The following LOC128462377 variants were observed in gnomAD, a reference collection of about 807,000 sequenced individuals.
chr16:89,366,027 A>G, the LOC128462377 span, among the ~76,000 whole-genome samples: 1 of 151,894 alleles, frequency 6.6e-6, no homozygotes, highest in African/African-American at 2.4e-5. Flanking sequence ...CATGTTCCAC[A>G]AAAGACATGA....
chr16:89,409,353 C>CTG, the LOC128462377 span, among the ~76,000 whole-genome samples: 2 of 152,208 alleles, frequency 1.3e-5, no homozygotes, highest in African/African-American at 4.8e-5. Context: ...CAAGATCCAC[C>CTG]TATCAACAGG....
At chr16:89,369,177 G>C in the LOC128462377 span, among the ~76,000 whole-genome samples, 59 of 152,236 alleles carry the variant, frequency 3.9e-4, no homozygotes, top group African/African-American at 1.3e-3. Flanking sequence ...AACCCAAGAA[G>C]TTTTCCCAAG....
the LOC128462377 span, among the ~76,000 whole-genome samples, chr16:89,319,386 G>A: frequency 3.0e-4 from 46 of 152,340 alleles, no homozygotes; most frequent in African/African-American, 9.9e-4. Flanking sequence ...GAAGTGGGTC[G>A]CACCCACCAG....
chr16:89,372,648 T>G, the LOC128462377 span, among the ~76,000 whole-genome samples: 2 of 152,096 alleles, frequency 1.3e-5, no homozygotes, highest in Non-Finnish European at 2.9e-5. Flanking sequence ...AGAAAAAAAT[T>G]TTTTTGAAAA....
the LOC128462377 span, among the ~76,000 whole-genome samples, chr16:89,349,134 TAAAAAAAAAAAAAA>T: frequency 7.8e-4 from 13 of 16,578 alleles, no homozygotes; most frequent in South Asian, 0.014. Flanking sequence ...TCTCAAAAAG[TAAAAAAAAAAAAAA>T]AAAAAAAAAA....
the LOC128462377 span, among the ~76,000 whole-genome samples, chr16:89,399,899 C>T: frequency 0.52 from 79,573 of 151,996 alleles, 21,172 homozygotes; most frequent in Middle Eastern, 0.71. Flanking sequence ...GCTCCCAGAG[C>T]ACAGGAAGGT....
chr16:89,336,450 G>C, the LOC128462377 span, among the ~76,000 whole-genome samples: 4 of 152,228 alleles, frequency 2.6e-5, no homozygotes, highest in Non-Finnish European at 4.4e-5. Context: ...TAGGGACCAG[G>C]TGAACACTGA....
chr16:89,317,055 C>G, the LOC128462377 span: 1 of 1,597,954 alleles, frequency 6.3e-7, no homozygotes, highest in Non-Finnish European at 8.5e-7. Context: ...TTTACACGGC[C>G]GGCGCTTCAT....
the LOC128462377 span, among the ~76,000 whole-genome samples, chr16:89,346,879 G>A: frequency 3.3e-5 from 5 of 152,312 alleles, no homozygotes; most frequent in East Asian, 3.9e-4. Flanking sequence ...ACATGTAACA[G>A]AGACTAAACA....
the LOC128462377 span, among the ~76,000 whole-genome samples, chr16:89,342,552 G>A: frequency 1.3e-5 from 2 of 152,252 alleles, no homozygotes; most frequent in African/African-American, 2.4e-5. Flanking sequence ...AGCACACCAC[G>A]TGCCTGAGCA....
chr16:89,323,550 AGGGGGTCT>A, the LOC128462377 span, among the ~76,000 whole-genome samples: 1 of 30,282 alleles, frequency 3.3e-5, no homozygotes, highest in Non-Finnish European at 7.0e-5. Flanking sequence ...AGCCGAGGGC[AGGGGGTCT>A]GAGCTAAGGG....
At chr16:89,318,108 A>T in the LOC128462377 span, among the ~76,000 whole-genome samples, 1 of 151,778 alleles carries the variant, frequency 6.6e-6, no homozygotes, top group African/African-American at 2.4e-5. Flanking sequence ...TCCGACTCCC[A>T]CCCCCGTGGT....
chr16:89,338,033 G>A, the LOC128462377 span, among the ~76,000 whole-genome samples: 14 of 152,224 alleles, frequency 9.2e-5, no homozygotes, highest in South Asian at 2.1e-4. Context: ...CAGTATCATG[G>A]TGACTCCCTA....
chr16:89,384,879 C>CTTTTTTTTTTTTTTTTTTTTTTTTTTT, the LOC128462377 span, among the ~76,000 whole-genome samples: 26 of 49,940 alleles, frequency 5.2e-4, 2 homozygotes, highest in East Asian at 6.7e-4. Context: ...AAATAGTTTT[C>CTTTTTTTTTTTTTTTTTTTTTTTTTTT]TTTTTTTTTT....
the LOC128462377 span, among the ~76,000 whole-genome samples, chr16:89,343,437 A>G: frequency 6.6e-6 from 1 of 152,248 alleles, no homozygotes; most frequent in East Asian, 1.9e-4. Context: ...TTGTGTTTTT[A>G]TGTGTAATCT....
the LOC128462377 span, among the ~76,000 whole-genome samples, chr16:89,369,950 C>A: frequency 2.0e-5 from 3 of 152,176 alleles, no homozygotes; most frequent in South Asian, 6.2e-4. Context: ...GGGGCCCAGC[C>A]CACCTCAAAC....
chr16:89,349,589 T>C, the LOC128462377 span, among the ~76,000 whole-genome samples: 5 of 152,290 alleles, frequency 3.3e-5, no homozygotes, highest in East Asian at 7.7e-4. Flanking sequence ...CTGGAAATAA[T>C]TGAATATCCT....
chr16:89,334,546 C>T, the LOC128462377 span, among the ~76,000 whole-genome samples: 1 of 152,156 alleles, frequency 6.6e-6, no homozygotes, highest in Admixed American at 6.5e-5. Flanking sequence ...CCCATGTGGG[C>T]AGTGGGCATG....
the LOC128462377 span, among the ~76,000 whole-genome samples, chr16:89,385,999 C>T: frequency 6.6e-6 from 1 of 152,272 alleles, no homozygotes; most frequent in African/African-American, 2.4e-5. Context: ...TCCCGCTCAG[C>T]CTCCCAGGTA....
Sources: gnomAD v4.1 joint callset for allele counts (sites outside exome capture counted in the v4.1 genomes callset) on GRCh38, gnomAD v4.1.1 for gene constraint, MANE v1.5 for transcripts.